CHD9NB: variants seen among roughly 807,000 people sequenced by gnomAD.
The protein encoded by CHD9NB is CHD9 neighbor protein.
At chr16:53,050,218 C>A in the CHD9NB span, among the ~76,000 whole-genome samples, 5 of 152,086 alleles carry the variant, frequency 3.3e-5, no homozygotes, top group East Asian at 9.7e-4. Context: ...ATAATAACTG[C>A]TTCCTGGGCT....
At chr16:53,046,766 T>A in the CHD9NB span, among the ~76,000 whole-genome samples, 1 of 152,148 alleles carries the variant, frequency 6.6e-6, no homozygotes, top group African/African-American at 2.4e-5. Context: ...AGTTGTATAA[T>A]CTGTGGGACC....
At chr16:53,045,062 T>C in the CHD9NB span, among the ~76,000 whole-genome samples, 1 of 152,146 alleles carries the variant, frequency 6.6e-6, no homozygotes, top group Non-Finnish European at 1.5e-5. Context: ...GCCTCCCAAG[T>C]AGCAGGGACT....
At chr16:53,039,247 A>C in the CHD9NB span, among the ~76,000 whole-genome samples, 1 of 152,192 alleles carries the variant, frequency 6.6e-6, no homozygotes, top group African/African-American at 2.4e-5. Flanking sequence ...CTAGGGGAAG[A>C]ATTATTCTGG....
chr16:53,039,973 G>A, the CHD9NB span, among the ~76,000 whole-genome samples: 3 of 152,018 alleles, frequency 2.0e-5, no homozygotes, highest in Non-Finnish European at 4.4e-5. Flanking sequence ...AGCCACTGAC[G>A]TCCTAGCATC....
chr16:53,042,203 G>T, the CHD9NB span, among the ~76,000 whole-genome samples: 1 of 150,186 alleles, frequency 6.7e-6, no homozygotes, highest in African/African-American at 2.5e-5. Context: ...CAACTTCCTC[G>T]ATTTCTTCCT....
At chr16:53,036,465 T>C in the CHD9NB span, among the ~76,000 whole-genome samples, 1 of 152,200 alleles carries the variant, frequency 6.6e-6, no homozygotes, top group Non-Finnish European at 1.5e-5. Context: ...TTGTCCTTGA[T>C]AGATGCTTTT....
At chr16:53,047,037 G>A in the CHD9NB span, among the ~76,000 whole-genome samples, 1 of 152,156 alleles carries the variant, frequency 6.6e-6, no homozygotes, top group South Asian at 2.1e-4. Context: ...TGAGGTATGG[G>A]CAACCCAAAG....
the CHD9NB span, among the ~76,000 whole-genome samples, chr16:53,047,862 G>C: frequency 6.6e-6 from 1 of 151,970 alleles, no homozygotes; most frequent in Non-Finnish European, 1.5e-5. Context: ...GCCAGGTGTG[G>C]TGGTGTGCAC....
the CHD9NB span, among the ~76,000 whole-genome samples, chr16:53,042,487 C>T: frequency 1.3e-5 from 2 of 149,754 alleles, no homozygotes; most frequent in East Asian, 2.0e-4. Context: ...TACCTCTTTC[C>T]TCTTTCTCTC....
At chr16:53,037,240 G>C in the CHD9NB span, among the ~76,000 whole-genome samples, 2 of 152,100 alleles carry the variant, frequency 1.3e-5, no homozygotes, top group Non-Finnish European at 2.9e-5. Flanking sequence ...GGCCTCAAAT[G>C]CTTTAAAATT....
At chr16:53,047,934 G>T in the CHD9NB span, among the ~76,000 whole-genome samples, 1 of 151,624 alleles carries the variant, frequency 6.6e-6, no homozygotes, top group Admixed American at 6.6e-5. Flanking sequence ...GGGGAGTCCA[G>T]GCTGTAGTGA....
At chr16:53,041,284 C>G in the CHD9NB span, among the ~76,000 whole-genome samples, 3 of 152,238 alleles carry the variant, frequency 2.0e-5, no homozygotes, top group Admixed American at 6.5e-5. Context: ...ACCACTTTTA[C>G]CAGGCACTTT....
chr16:53,047,719 CG>C, the CHD9NB span, among the ~76,000 whole-genome samples: 1 of 152,046 alleles, frequency 6.6e-6, no homozygotes, highest in Non-Finnish European at 1.5e-5. Flanking sequence ...GAGGTAGGGC[CG>C]GGTGTGGTGG....
the CHD9NB span, among the ~76,000 whole-genome samples, chr16:53,037,077 A>C: frequency 3.0e-4 from 46 of 152,156 alleles, no homozygotes; most frequent in Non-Finnish European, 5.4e-4. Flanking sequence ...CTGGGATTAC[A>C]GGCACACGCC....
At chr16:53,039,740 C>CA in the CHD9NB span, among the ~76,000 whole-genome samples, 12 of 145,296 alleles carry the variant, frequency 8.3e-5, no homozygotes, top group East Asian at 4.1e-4. Context: ...GATTCCATCT[C>CA]AAAAAAAAAA....
At chr16:53,036,684 A>T in the CHD9NB span, among the ~76,000 whole-genome samples, 2 of 152,360 alleles carry the variant, frequency 1.3e-5, no homozygotes. Context: ...ATTGATGCCA[A>T]GCAGCCATAA....
chr16:53,052,306 C>T, the CHD9NB span, among the ~76,000 whole-genome samples: 2 of 151,826 alleles, frequency 1.3e-5, no homozygotes, highest in Non-Finnish European at 2.9e-5. Context: ...ACTTGGGAGT[C>T]TGAGGTGGGA....
the CHD9NB span, chr16:53,043,740 GA>G: frequency 3.3e-6 from 1 of 307,342 alleles, no homozygotes; most frequent in Non-Finnish European, 5.9e-6. Context: ...GAAGTTGCAG[GA>G]AAGTTCCACA....
At chr16:53,049,124 G>A in the CHD9NB span, among the ~76,000 whole-genome samples, 1 of 152,114 alleles carries the variant, frequency 6.6e-6, no homozygotes, top group Non-Finnish European at 1.5e-5. Context: ...CTCCCAAAGT[G>A]CTGGGATTAC....
Sources: allele counts gnomAD v4.1 joint callset (sites outside exome capture counted in the v4.1 genomes callset), GRCh38; gene constraint gnomAD v4.1.1; transcripts MANE v1.5; gene names NCBI Gene and HGNC (gene_info 2026-07-23, HGNC 2026-07-21).